Variants in CCDC63 observed in about 807,000 individuals in gnomAD.
CCDC63 encodes coiled-coil domain-containing protein 63.
A neutral mutation model predicts 63.6 loss-of-function variants in CCDC63; 54 were observed. That is an observed-to-expected ratio of 0.85 (90% CI 0.68 to 1.07). CCDC63 has a LOEUF of 1.07. Ranked by LOEUF, CCDC63 falls within the 50% of genes least tolerant of loss-of-function variation. CCDC63 has a pLI of 0.00. For missense variants in CCDC63, 637 were observed against 689.6 expected (o/e 0.92, Z 0.86); for synonymous variants, 253 against 266.1 (o/e 0.95, Z 0.48).
intron 3 of CCDC63, among the ~76,000 whole-genome samples, chr12:110,858,184 C>T (rs7134080): frequency 0.02 from 3,058 of 149,306 alleles, 102 homozygotes; most frequent in African/African-American, 0.074. Flanking sequence ...AAAATAAAAT[C>T]CTGCCTGATG....
At chr12:110,901,666 G>C (rs2071489388) in intron 10 of CCDC63, among the ~76,000 whole-genome samples, 1 of 152,154 alleles carries the variant, frequency 6.6e-6, no homozygotes, top group Non-Finnish European at 1.5e-5. Flanking sequence ...CTGCAGATAA[G>C]TGAGGGCGTG....
In CCDC63 at chr12:110,853,484, AG is replaced by A. The variant is rs1161118952; in HGVS notation, c.90del (p.Glu30AspfsTer5). On this transcript the variant is annotated frameshift_variant, in exon 3 of 12. Transcript: ENST00000308208. LOFTEE classifies it high-confidence loss of function. ...EKAKEQQAEA[E>X]LRKLRQQFRK... is the part of the protein sequence containing the mutation. ...GCCAAAGAGCAGCAGGCGGAGGCAGAGCTCCGGAAGCTAAGGCAGCAGTTCA... is the reference window on the plus strand; with the variant it reads ...GCCAAAGAGCAGCAGGCGGAGGCAGACTCCGGAAGCTAAGGCAGCAGTTCA... 6 of 1,614,086 alleles carry A rather than the reference AG, an allele frequency of 3.7e-6. No homozygotes were observed. In the Admixed American group the frequency reaches 8.3e-5, roughly 22 times the overall value.
rs775735644 is a variant in CCDC63 at position 110,879,901 on chromosome 12, AAC to A, written c.490-3_490-2del. 24 of 1,613,884 alleles carry A rather than the reference AAC, an allele frequency of 1.5e-5. No individual in the cohort carries two copies. In the South Asian group the frequency reaches 1.9e-4, roughly 13 times the overall value. On this transcript the variant is annotated splice_polypyrimidine_tract_variant and splice_region_variant and intron_variant, in intron 5 of 11. Transcript: ENST00000308208. ...ACCTGTTTTGAAGCATGGCCCTTTC[AAC>A]AGGTCACTGTTCACTTTGACAAGAT... is the stretch of plus-strand genomic sequence containing the variant.
chr12:110,898,878 C>T, intron 9 of CCDC63, 55 bp from the exon 10 acceptor site: 1 of 1,433,410 alleles, frequency 7.0e-7, no homozygotes. Context: ...GGGTCCCAAA[C>T]ACCCTGCCCA....
At chr12:110,857,337 G>A (rs553818251) in intron 3 of CCDC63, among the ~76,000 whole-genome samples, 1 of 151,252 alleles carries the variant, frequency 6.6e-6, no homozygotes, top group Non-Finnish European at 1.5e-5. Context: ...ATCTTAGCCA[G>A]GCTGGTCTCG....
chr12:110,873,744 C>T, intron 4 of CCDC63, 98 bp from the exon 5 acceptor site: 1 of 1,464,742 alleles, frequency 6.8e-7, no homozygotes, highest in Non-Finnish European at 9.2e-7. Flanking sequence ...GGTACCCATA[C>T]AGATGCTATC....
chr12:110,844,943 G>A (rs960715492), upstream of CCDC63, among the ~76,000 whole-genome samples: 14 of 152,132 alleles, frequency 9.2e-5, no homozygotes, highest in African/African-American at 2.9e-4. Flanking sequence ...GTCCCTCTGC[G>A]GCTTGGCTCT....
chr12:110,906,849 G>C (rs2071594128), intron 11 of CCDC63, among the ~76,000 whole-genome samples: 1 of 152,178 alleles, frequency 6.6e-6, no homozygotes, highest in Admixed American at 6.5e-5. Context: ...GGTCAGAAAT[G>C]TACAGATACT....
At chr12:110,862,921 A>C (rs1217278612) in intron 4 of CCDC63, among the ~76,000 whole-genome samples, 1 of 151,762 alleles carries the variant, frequency 6.6e-6, no homozygotes, top group Non-Finnish European at 1.5e-5. Context: ...ATGCCTGGTT[A>C]ATTTTTGTAT....
intron 8 of CCDC63, among the ~76,000 whole-genome samples, chr12:110,886,157 C>T (rs1366911834): frequency 4.6e-5 from 7 of 152,038 alleles, no homozygotes; most frequent in African/African-American, 9.7e-5. Flanking sequence ...GAGGCCGAGG[C>T]GGGTGGATCA....
chr12:110,851,252 GGT>G (rs2070701448), intron 1 of CCDC63, among the ~76,000 whole-genome samples: 1 of 69,658 alleles, frequency 1.4e-5, no homozygotes, highest in Non-Finnish European at 2.9e-5. Flanking sequence ...GCTAAATGCT[GGT>G]GCTTGCTTGG....
chr12:110,881,563 T>C (rs1186478583), intron 7 of CCDC63, among the ~76,000 whole-genome samples: 1 of 151,932 alleles, frequency 6.6e-6, no homozygotes, highest in Non-Finnish European at 1.5e-5. Flanking sequence ...CTACTAAAAA[T>C]ACAAAAAAAT....
At chr12:110,857,080 C>T (rs372881028) in intron 3 of CCDC63, among the ~76,000 whole-genome samples, 1 of 151,910 alleles carries the variant, frequency 6.6e-6, no homozygotes, top group African/African-American at 2.4e-5. Flanking sequence ...GCTGATGTTA[C>T]AGGAGTGAGC....
intron 10 of CCDC63, 58 bp from the exon 11 acceptor site, chr12:110,904,530 A>G (rs1198632907): frequency 2.5e-5 from 37 of 1,469,278 alleles, no homozygotes; most frequent in Non-Finnish European, 3.2e-5. Flanking sequence ...CACCACCCAC[A>G]GTGCCCCCAG....
At position 110,904,787 on chromosome 12, in the gene CCDC63, T is replaced by C; in HGVS notation, c.1542T>C (p.Asp514=). 6.2e-7 allele frequency: 1 copy of C among 1,607,160 alleles called. No homozygotes were observed. Among genetic ancestry groups the C allele is most frequent in the South Asian group, 1.1e-5 (1 of 90,298 alleles). The part of the protein sequence containing the change: ...LGADPFSDRL[D]DVEQPLDHSS... ...CTGACCCCTTCAGCGACAGGTTGGA[T>C]GATGGTGAGTTCTCTCTCTCTCAAT... The change falls in exon 11 of 12, where the codon GAT becomes GAC. Residue 514 remains aspartate (D), a synonymous_variant. Transcript: ENST00000308208.
intron 10 of CCDC63, among the ~76,000 whole-genome samples, chr12:110,899,543 C>T (rs972833464): frequency 1.3e-5 from 2 of 152,062 alleles, no homozygotes; most frequent in Non-Finnish European, 2.9e-5. Context: ...TGGTCTCAAA[C>T]TCCTTTGCTC....
chr12:110,865,829 G>T (rs937567938), intron 4 of CCDC63, among the ~76,000 whole-genome samples: 2 of 152,204 alleles, frequency 1.3e-5, no homozygotes, highest in African/African-American at 2.4e-5. Flanking sequence ...CTCTTCAAAC[G>T]TATTGCATCT....
At chr12:110,860,819 CCTCA>C (rs1454830832) in intron 4 of CCDC63, among the ~76,000 whole-genome samples, 3 of 152,198 alleles carry the variant, frequency 2.0e-5, no homozygotes, top group Non-Finnish European at 4.4e-5. Context: ...GAACTCCTGA[CCTCA>C]GGTGATCCAC....
chr12:110,888,326 G>C (rs1214470890), intron 8 of CCDC63, among the ~76,000 whole-genome samples: 2 of 152,226 alleles, frequency 1.3e-5, no homozygotes, highest in Non-Finnish European at 2.9e-5. Flanking sequence ...GAGGACCCCA[G>C]CTGAATATCC....
Sources: allele counts gnomAD v4.1 joint callset (sites outside exome capture counted in the v4.1 genomes callset), GRCh38; gene constraint gnomAD v4.1.1; transcripts MANE v1.5; gene names NCBI Gene and HGNC (gene_info 2026-07-23, HGNC 2026-07-21).